The following ACVR1 variants were observed in gnomAD, a reference collection of about 807,000 sequenced individuals.
ACVR1 encodes the protein activin A receptor type 1.
A neutral mutation model predicts 57.1 loss-of-function variants in ACVR1; 38 were observed. The observed-to-expected ratio is 0.67, with a 90% CI of 0.51 to 0.87. ACVR1 has a LOEUF of 0.87. Ranked by LOEUF, ACVR1 falls within the 40% of genes least tolerant of loss-of-function variation. The pLI is 0.00. For synonymous variants in ACVR1, 212 were observed against 228.1 expected (o/e 0.93, Z 0.63); for missense variants, 463 against 638.2 (o/e 0.73, Z 2.96).
At chr2:157,857,226 C>T (rs907154039) in intron 1 of ACVR1, among the ~76,000 whole-genome samples, 9 of 151,934 alleles carry the variant, frequency 5.9e-5, no homozygotes, top group African/African-American at 2.2e-4. Context: ...AAAGAAAATA[C>T]ACAATTCTGG....
intron 8 of ACVR1, among the ~76,000 whole-genome samples, chr2:157,764,351 A>G (rs995185692): frequency 6.9e-6 from 1 of 145,770 alleles, no homozygotes; most frequent in Non-Finnish European, 1.5e-5. Context: ...CCCGGCTATT[A>G]TTATTATTTT....
intron 2 of ACVR1, among the ~76,000 whole-genome samples, chr2:157,817,046 A>G (rs1472389204): frequency 6.6e-6 from 1 of 152,104 alleles, no homozygotes; most frequent in African/African-American, 2.4e-5. Flanking sequence ...TGAAGCCTCA[A>G]CTTCCCAGAT....
intron 3 of ACVR1, among the ~76,000 whole-genome samples, chr2:157,785,545 G>A (rs977086764): frequency 1.3e-5 from 2 of 152,180 alleles, no homozygotes; most frequent in Non-Finnish European, 2.9e-5. Context: ...AATGCCTAGT[G>A]AGGGGCATTT....
intron 7 of ACVR1, among the ~76,000 whole-genome samples, chr2:157,769,739 A>C (rs1169462734): frequency 2.6e-5 from 4 of 152,252 alleles, no homozygotes; most frequent in African/African-American, 9.6e-5. Context: ...TACATGTATC[A>C]GTATAAACAC....
intron 1 of ACVR1, among the ~76,000 whole-genome samples, chr2:157,818,981 G>C (rs1169645557): frequency 1.3e-5 from 2 of 148,756 alleles, no homozygotes; most frequent in Non-Finnish European, 3.0e-5. Context: ...GGGAGGCTGA[G>C]GCAGGAGAAT....
chr2:157,835,660 C>T (rs1317136523), intron 1 of ACVR1, among the ~76,000 whole-genome samples: 2 of 152,122 alleles, frequency 1.3e-5, no homozygotes, highest in Non-Finnish European at 2.9e-5. Flanking sequence ...ATTTCTTTAC[C>T]TCAATAATGA....
rs375860205 is a variant in ACVR1, at chr2:157,824,045, G to A, written c.-182-5486C>T. 1.5e-3 allele frequency among the ~76,000 whole-genome samples: 228 copies of A among 152,252 alleles called. 8 individuals are homozygous for A. The South Asian group carries it at 0.046, about 31-fold the overall frequency. On this transcript the variant is annotated intron_variant, in intron 1 of 10. Transcript: ENST00000434821. Reference sequence around the variant, plus strand: ...TGGCACTCAGTGGATGCTAATAAATGGTAGCTAATGTTGTAAACTCAATAT... The same window carrying A: ...TGGCACTCAGTGGATGCTAATAAATAGTAGCTAATGTTGTAAACTCAATAT...
At chr2:157,868,219 T>C (rs1455346969) in intron 1 of ACVR1, among the ~76,000 whole-genome samples, 11 of 152,032 alleles carry the variant, frequency 7.2e-5, no homozygotes, top group Non-Finnish European at 1.6e-4. Flanking sequence ...GCACGGTGGC[T>C]AGCGCCTGTA....
At chr2:157,858,043 A>G (rs1689594810) in intron 1 of ACVR1, among the ~76,000 whole-genome samples, 1 of 152,082 alleles carries the variant, frequency 6.6e-6, no homozygotes, top group Non-Finnish European at 1.5e-5. Context: ...AAAACTTAAA[A>G]AAAAAAAAGT....
chr2:157,835,482 T>C (rs1426368504), intron 1 of ACVR1, among the ~76,000 whole-genome samples: 3 of 152,250 alleles, frequency 2.0e-5, no homozygotes, highest in Admixed American at 6.5e-5. Context: ...ACTTTTGTGA[T>C]ACTCATTTCT....
At chr2:157,754,255 C>T (rs775967061) in intron 9 of ACVR1, among the ~76,000 whole-genome samples, 50 of 151,944 alleles carry the variant, frequency 3.3e-4, no homozygotes, top group Middle Eastern at 6.8e-3. Context: ...AAGAAATAAC[C>T]AAGATCAGAG....
chr2:157,820,057 T>C (rs140673309), intron 1 of ACVR1, among the ~76,000 whole-genome samples: 3 of 152,322 alleles, frequency 2.0e-5, no homozygotes, highest in Non-Finnish European at 2.9e-5. Context: ...CACCTTGGAA[T>C]TCGAGGGAAA....
intron 1 of ACVR1, among the ~76,000 whole-genome samples, chr2:157,871,291 T>A (rs540279159): frequency 6.6e-5 from 10 of 152,312 alleles, no homozygotes; most frequent in African/African-American, 2.4e-4. Flanking sequence ...AAAGCATTCT[T>A]GCTTGCAGTA....
chr2:157,862,203 C>G (rs1157478054), intron 1 of ACVR1, among the ~76,000 whole-genome samples: 2 of 151,962 alleles, frequency 1.3e-5, no homozygotes, highest in Non-Finnish European at 2.9e-5. Flanking sequence ...ACGTTAACTA[C>G]AAATATGAAA....
At chr2:157,825,501 A>G (rs989737414) in intron 1 of ACVR1, among the ~76,000 whole-genome samples, 14 of 152,118 alleles carry the variant, frequency 9.2e-5, no homozygotes, top group African/African-American at 3.1e-4. Context: ...GCAAGTGAGC[A>G]TTAGGCCTGA....
chr2:157,749,785 G>A (rs1327780183), intron 9 of ACVR1, among the ~76,000 whole-genome samples: 1 of 152,166 alleles, frequency 6.6e-6, no homozygotes, highest in Non-Finnish European at 1.5e-5. Flanking sequence ...AAAGGCTTCC[G>A]CCACCAAGAG....
intron 1 of ACVR1, among the ~76,000 whole-genome samples, chr2:157,836,418 A>G (rs573938228): frequency 4.6e-5 from 7 of 152,346 alleles, no homozygotes; most frequent in African/African-American, 1.7e-4. Context: ...TGGGGTTTCC[A>G]AAAAGGAAAC....
intron 1 of ACVR1, among the ~76,000 whole-genome samples, chr2:157,850,194 A>T (rs1454098164): frequency 6.6e-6 from 1 of 152,150 alleles, no homozygotes; most frequent in Non-Finnish European, 1.5e-5. Context: ...GTTTGAGACT[A>T]GCCTGGTCAA....
intron 1 of ACVR1, among the ~76,000 whole-genome samples, chr2:157,858,569 T>C (rs1418069876): frequency 3.3e-5 from 5 of 152,158 alleles, no homozygotes; most frequent in Admixed American, 3.3e-4. Flanking sequence ...TCTTGAGGGT[T>C]CAAGAGATTC....
Sources: gnomAD v4.1 joint callset for allele counts (sites outside exome capture counted in the v4.1 genomes callset) on GRCh38, gnomAD v4.1.1 for gene constraint, MANE v1.5 for transcripts, NCBI Gene and HGNC (gene_info 2026-07-23, HGNC 2026-07-21) for gene names.